SUB1: variants seen among roughly 807,000 people sequenced by gnomAD.
SUB1 encodes the protein SUB1 regulator of transcription.
SUB1 carries 1 observed loss-of-function variant against 16.9 expected under a neutral mutation model. The ratio of observed to expected loss-of-function variants is 0.06; its 90% CI spans 0.02 to 0.28. The LOEUF is 0.28. SUB1 is among the 10% of genes least tolerant of loss of function. The pLI is 1.00. For synonymous variants in SUB1, 51 were observed against 46.9 expected, an observed-to-expected ratio of 1.09 and a Z score of -0.36; for missense variants, 84 against 145.2, an observed-to-expected ratio of 0.58 and a Z score of 2.16.
intron 3 of SUB1, 34 bp from the exon 4 acceptor site, chr5:32,598,927 G>T (rs779817238): frequency 6.6e-7 from 1 of 1,516,602 alleles, no homozygotes; most frequent in Non-Finnish European, 9.1e-7. Context: ...ACTCTTGAAA[G>T]GAGCACCTCT....
chr5:32,591,470 T>C, intron 2 of SUB1, 93 bp from the exon 3 acceptor site: 1 of 1,433,174 alleles, frequency 7.0e-7, no homozygotes, highest in Non-Finnish European at 9.2e-7. Context: ...TGTAGTCTTT[T>C]GATTGTTTAA....
At position 32,602,167 on chromosome 5, in the gene SUB1, G is replaced by A. The variant is rs978835053; in HGVS notation, c.*1083G>A. 1.1e-5 allele frequency: 5 copies of A among 451,152 alleles called. No individual in the cohort carries two copies. The highest frequency in any genetic ancestry group is 8.0e-5 in the African/African-American group (4 of 49,846). 27.9% of individuals were successfully genotyped at this position (451,152 alleles called of 1,614,324 possible). A position where few individuals can be genotyped will look rare whatever the true frequency, so the allele number is the denominator to read the frequency against. On this transcript the variant is annotated 3_prime_UTR_variant, in exon 5 of 5. Coordinates refer to ENST00000265073, the MANE Select transcript of SUB1 (RefSeq NM_006713.4). ...ACTAAGTTTTAGCAGACACTAGTAA[G>A]TGGTTTGTATTTAACCATACTGATG...
intron 3 of SUB1, chr5:32,596,870 A>G (rs1433721903): frequency 1.3e-5 from 2 of 152,226 alleles, no homozygotes; most frequent in African/African-American, 4.8e-5. Flanking sequence ...TTTCTCTGGA[A>G]TTTGTAATTT....
At chr5:32,586,270 T>G (rs939915877) in intron 1 of SUB1, 1 of 152,244 alleles carries the variant, frequency 6.6e-6, no homozygotes, top group Non-Finnish European at 1.5e-5. Flanking sequence ...ACCCCTTCCC[T>G]GGTCTTGTGC....
Position 32,602,889 on chromosome 5 carries a change from A to G in SUB1, c.*1805A>G, listed in dbSNP as rs1401478776. 3 of 152,114 alleles carry G rather than the reference A, an allele frequency of 2.0e-5. No homozygotes were observed. The highest frequency in any genetic ancestry group is 2.1e-4 in the South Asian group (1 of 4,836). The allele number at this position is 152,114 out of a possible 1,614,324, so 9.4% of individuals were successfully genotyped here. A position where few individuals can be genotyped will look rare whatever the true frequency, so the allele number is the denominator to read the frequency against. ...TTTTTGGGGAACATGTTTGTGTCCTATTAACTTAATTGGATAGATTTTTAA... is the reference window on the plus strand; with the variant it reads ...TTTTTGGGGAACATGTTTGTGTCCTGTTAACTTAATTGGATAGATTTTTAA... On this transcript the variant is annotated 3_prime_UTR_variant, in exon 5 of 5. Transcript: ENST00000265073.
intron 2 of SUB1, among the ~76,000 whole-genome samples, chr5:32,588,888 T>A (rs1738744206): frequency 6.6e-6 from 1 of 152,144 alleles, no homozygotes; most frequent in Non-Finnish European, 1.5e-5. Flanking sequence ...CTGGACCACT[T>A]GACTAGAAGT....
rs761957475 is a variant in SUB1 at position 32,599,079 on chromosome 5, A to G, written c.304+10A>G. 6.3e-7 allele frequency: 1 copy of G among 1,597,356 alleles called. No homozygotes were observed. The highest frequency in any genetic ancestry group is 1.1e-5 in the South Asian group (1 of 90,484). On this transcript the variant is annotated intron_variant, in intron 4 of 4. Coordinates refer to ENST00000265073, the MANE Select transcript of SUB1 (RefSeq NM_006713.4). ...AAACCAGGAAGAAAAGGTGAGGTCTAATTACTTGAATTTTATTACAGTGTT... is the reference window on the plus strand; with the variant it reads ...AAACCAGGAAGAAAAGGTGAGGTCTGATTACTTGAATTTTATTACAGTGTT...
At chr5:32,594,703 CCTATTGTGAACTGCG>C (rs1407955815) in intron 3 of SUB1, 1 of 411,800 alleles carries the variant, frequency 2.4e-6, no homozygotes, top group African/African-American at 2.1e-5. Context: ...GAGCGCGAAC[CCTATTGTGAACTGCG>C]CATGCAAGGG....
chr5:32,594,881 C>G (rs1040730497), intron 3 of SUB1: 1 of 170,686 alleles, frequency 5.9e-6, no homozygotes, highest in Non-Finnish European at 1.3e-5. Context: ...AGGTTAGGAA[C>G]CACTGCTTTA....
intron 2 of SUB1, chr5:32,591,356 C>G (rs1333996672): frequency 2.1e-5 from 12 of 571,868 alleles, no homozygotes; most frequent in Non-Finnish European, 1.6e-5. Context: ...TTTTGGGATC[C>G]TGAGAACAGA....
At chr5:32,587,398 A>G (rs2111650694) in intron 1 of SUB1, among the ~76,000 whole-genome samples, 1 of 152,300 alleles carries the variant, frequency 6.6e-6, no homozygotes, top group African/African-American at 2.4e-5. Context: ...GCACTCAGGC[A>G]CTCAGTAAAC....
chr5:32,588,388 A>C (rs953898560), intron 1 of SUB1, 124 bp from the exon 2 acceptor site: 27 of 828,318 alleles, frequency 3.3e-5, no homozygotes, highest in Admixed American at 5.5e-5. Flanking sequence ...ACAACTCAGT[A>C]CCACAAAAAT....
chr5:32,590,063 CAT>C (rs1339432038), intron 2 of SUB1, among the ~76,000 whole-genome samples: 5 of 152,160 alleles, frequency 3.3e-5, no homozygotes, highest in African/African-American at 7.2e-5. Flanking sequence ...TGATGTAACA[CAT>C]GTGTATTGAG....
At chr5:32,598,387 G>T (rs1579517956) in intron 3 of SUB1, 1 of 152,208 alleles carries the variant, frequency 6.6e-6, no homozygotes, top group Non-Finnish European at 1.5e-5. Flanking sequence ...ACTGCAATAC[G>T]CAATTTGTTG....
In SUB1 at chr5:32,602,628, C is replaced by A; in HGVS notation, c.*1544C>A. ...CATAGTTATCAATTTTTTTTTCTAT[C>A]AGCTATTCTGTTGTATTTCTAAAAC... On this transcript the variant is annotated 3_prime_UTR_variant, in exon 5 of 5. Transcript: ENST00000265073. The A allele has an allele frequency of 6.2e-6, 1 of 161,268 alleles. No homozygotes were observed. The highest frequency in any genetic ancestry group is 1.4e-5 in the Non-Finnish European group (1 of 73,090). 10.0% of individuals were successfully genotyped at this position (161,268 alleles called of 1,614,324 possible).
In SUB1 at chr5:32,591,578, C is replaced by A; in HGVS notation, c.88C>A (p.Gln30Lys). The A allele has an allele frequency of 6.2e-7, 1 of 1,600,652 alleles. No homozygotes were observed. Among genetic ancestry groups the A allele is most frequent in the South Asian group, 1.1e-5 (1 of 88,006 alleles). ...EVDKKLKRKK[Q>K]VAPEKPVKKQ... ...TCTTTTCTAGTTAAAGAGGAAAAAG[C>A]AAGTTGCTCCAGAAAAACCTGTAAA... Residue 30 changes from glutamine to lysine, a missense_variant, in exon 3 of 5, where the codon CAA becomes AAA. Gln to Lys is a moderately conservative substitution (Grantham distance 53). Coordinates refer to ENST00000265073, the MANE Select transcript of SUB1 (RefSeq NM_006713.4).
intron 3 of SUB1, among the ~76,000 whole-genome samples, chr5:32,593,808 C>T (rs1409524485): frequency 6.6e-6 from 1 of 152,196 alleles, no homozygotes; most frequent in Non-Finnish European, 1.5e-5. Context: ...ATTCTCCTGC[C>T]TCAGTCTCCT....
At chr5:32,597,007 G>T (rs906911002) in intron 3 of SUB1, 1 of 152,084 alleles carries the variant, frequency 6.6e-6, no homozygotes, top group South Asian at 2.1e-4. Flanking sequence ...GAAAAACTTG[G>T]TTGTTATTGA....
intron 3 of SUB1, chr5:32,598,760 T>C: frequency 2.6e-6 from 1 of 390,226 alleles, no homozygotes; most frequent in Non-Finnish European, 4.5e-6. Flanking sequence ...TCTGCAAAAA[T>C]TTTTCCAGTA....
Sources: allele counts gnomAD v4.1 joint callset (sites outside exome capture counted in the v4.1 genomes callset), GRCh38; gene constraint gnomAD v4.1.1; transcripts MANE v1.5; gene names NCBI Gene and HGNC (gene_info 2026-07-23, HGNC 2026-07-21).